Variants in SLC22A2 observed in about 807,000 individuals in gnomAD.
SLC22A2 encodes the protein solute carrier family 22 member 2.
In SLC22A2, 46 loss-of-function variants were observed where a neutral mutation model predicts 60.5. The ratio of observed to expected loss-of-function variants is 0.76; its 90% CI spans 0.60 to 0.97. The LOEUF is 0.97. SLC22A2 is among the 50% of genes least tolerant of loss of function. The probability of loss-of-function intolerance (pLI) is 0.00; values close to 1 mark genes in which losing one functional copy is unlikely to be tolerated. For missense variants in SLC22A2, 701 were observed against 706.6 expected (o/e 0.99, Z 0.09); for synonymous variants, 303 against 267.0 (o/e 1.13, Z -1.31).
At chr6:160,225,778 C>G (rs1247432667) in intron 9 of SLC22A2, among the ~76,000 whole-genome samples, 5 of 152,336 alleles carry the variant, frequency 3.3e-5, no homozygotes, top group African/African-American at 1.2e-4. Flanking sequence ...ATAGCCTACT[C>G]TTGTGCCAAT....
In SLC22A2 at chr6:160,229,963, G is replaced by A. The variant is rs188617053; in HGVS notation, c.1502-5159C>T. ...AACGGTCTGAGGTCCCTGATATCCA[G>A]GCATTCTTTTACACATTGGTCCCTC... On this transcript the variant is annotated intron_variant, in intron 9 of 10. Transcript: ENST00000366953. Among the ~76,000 whole-genome samples, 7 of 151,834 alleles carry A rather than the reference G, an allele frequency of 4.6e-5. 1 individual carries two copies. Among genetic ancestry groups the A allele is most frequent in the African/African-American group, 1.7e-4 (7 of 41,150 alleles).
At chr6:160,222,950 C>G (rs977620125) in intron 10 of SLC22A2, among the ~76,000 whole-genome samples, 1 of 152,166 alleles carries the variant, frequency 6.6e-6, no homozygotes, top group African/African-American at 2.4e-5. Context: ...AACTTGGTGG[C>G]CTGCAGGCTG....
intron 2 of SLC22A2, among the ~76,000 whole-genome samples, chr6:160,253,361 C>G (rs2114871413): frequency 6.6e-6 from 1 of 152,274 alleles, no homozygotes; most frequent in South Asian, 2.1e-4. Context: ...AGGGTGGTAA[C>G]TTCTGGGTTG....
intron 2 of SLC22A2, 68 bp downstream of exon 2, chr6:160,256,546 C>T: frequency 1.0e-6 from 1 of 995,080 alleles, no homozygotes; most frequent in Admixed American, 1.7e-5. Context: ...CAAGCAGGGG[C>T]AGGTGCATCC....
intron 9 of SLC22A2, among the ~76,000 whole-genome samples, chr6:160,237,638 G>A (rs542000518): frequency 2.0e-5 from 3 of 152,318 alleles, no homozygotes; most frequent in African/African-American, 4.8e-5. Flanking sequence ...AAGATTAAGA[G>A]TTCTCTTACA....
At chr6:160,246,710 G>A (rs1451035844) in intron 5 of SLC22A2, among the ~76,000 whole-genome samples, 5 of 152,094 alleles carry the variant, frequency 3.3e-5, no homozygotes, top group South Asian at 4.1e-4. Flanking sequence ...TTGTGCCACT[G>A]CACTCCAACC....
Position 160,242,324 on chromosome 6 carries a change from A to C in SLC22A2, c.1358T>G (p.Val453Gly). The change falls in exon 8 of 11, where the codon GTC (valine) becomes GGC (glycine). Residue 453 changes from valine to glycine, a missense_variant. Transcript: ENST00000366953. ...GAATGTGGGGTACAGCTCAGCATTGACCAGGCAGACTATCTCATAGGCCAT... is the reference window on the plus strand; with the variant it reads ...GAATGTGGGGTACAGCTCAGCATTGCCCAGGCAGACTATCTCATAGGCCAT... ...ITMAYEIVCL[V>G]NAELYPTFIR... The C allele has an allele frequency of 6.2e-7, 1 of 1,604,942 alleles. No homozygotes were observed. The highest frequency in any genetic ancestry group is 8.5e-7 in the Non-Finnish European group (1 of 1,171,536).
At position 160,258,717 on chromosome 6, in the gene SLC22A2, TC is replaced by T. The variant is rs781476724; in HGVS notation, c.40del (p.Glu14SerfsTer46). 6.3e-6 allele frequency: 10 copies of T among 1,589,706 alleles called. No homozygotes were observed. Among genetic ancestry groups the T allele is most frequent in the Non-Finnish European group, 8.6e-6 (10 of 1,166,890 alleles). On this transcript the variant is annotated frameshift_variant, in exon 1 of 11. Coordinates refer to ENST00000366953, the MANE Select transcript of SLC22A2 (RefSeq NM_003058.4). LOFTEE classifies it high-confidence loss of function. ...CATTTGCTTCTGGAAAAAGTGAAACTCCCCTCCATGCTCCAGGACATCGTCC... is the reference window on the plus strand; with the variant it reads ...CATTTGCTTCTGGAAAAAGTGAAACTCCCTCCATGCTCCAGGACATCGTCC... ...TVDDVLEHGG[E>X]FHFFQKQMFF... is the part of the protein sequence containing the mutation.
chr6:160,246,542 T>A (rs1239320433), intron 5 of SLC22A2, among the ~76,000 whole-genome samples: 1 of 151,874 alleles, frequency 6.6e-6, no homozygotes, highest in East Asian at 2.0e-4. Flanking sequence ...AGGTCAGGAG[T>A]TCGAGATCAG....
chr6:160,241,143 A>G (rs1344577582), intron 9 of SLC22A2, among the ~76,000 whole-genome samples: 1 of 152,178 alleles, frequency 6.6e-6, no homozygotes, highest in Non-Finnish European at 1.5e-5. Flanking sequence ...AGAGAGAGTT[A>G]GGGGCCTGCT....
chr6:160,233,428 A>G (rs1041597283), intron 9 of SLC22A2, among the ~76,000 whole-genome samples: 2 of 151,820 alleles, frequency 1.3e-5, no homozygotes, highest in African/African-American at 4.9e-5. Flanking sequence ...TCTTCAGGAA[A>G]GGTAAAATGG....
Position 160,258,441 on chromosome 6 carries a change from G to C in SLC22A2, c.317C>G (p.Pro106Arg). The C allele has an allele frequency of 3.7e-6, 6 of 1,614,142 alleles. No individual in the cohort carries two copies. Among genetic ancestry groups the C allele is most frequent in the Non-Finnish European group, 5.1e-6 (6 of 1,180,024 alleles). Residue 106 changes from proline to arginine, a missense_variant, in exon 1 of 11, where the codon CCC (proline) becomes CGC (arginine). By Grantham distance (103) the Pro-to-Arg change is moderately radical. Coordinates refer to ENST00000366953, the MANE Select transcript of SLC22A2 (RefSeq NM_003058.4). ...WNQSTFDCVD[P>R]LASLDTNRSR... ...CCTGTTGGTGTCCAGGCTGGCCAGGGGGTCCACGCAGTCGAAGGTGCTCTG... is the reference window on the plus strand; with the variant it reads ...CCTGTTGGTGTCCAGGCTGGCCAGGCGGTCCACGCAGTCGAAGGTGCTCTG...
intron 9 of SLC22A2, among the ~76,000 whole-genome samples, chr6:160,228,416 G>A (rs1284539173): frequency 1.3e-5 from 2 of 152,156 alleles, no homozygotes; most frequent in Non-Finnish European, 2.9e-5. Flanking sequence ...TTAATAAAAG[G>A]CAAAGACACT....
intron 9 of SLC22A2, among the ~76,000 whole-genome samples, chr6:160,238,624 A>T (rs1257823593): frequency 6.6e-6 from 1 of 152,174 alleles, no homozygotes; most frequent in Non-Finnish European, 1.5e-5. Flanking sequence ...TTAGCACACC[A>T]TTATTGTGTG....
At chr6:160,257,536 A>G (rs904638532) in intron 1 of SLC22A2, among the ~76,000 whole-genome samples, 2 of 152,054 alleles carry the variant, frequency 1.3e-5, no homozygotes, top group Non-Finnish European at 1.5e-5. Flanking sequence ...TTGTGGTGTG[A>G]AGCCCATGAG....
At chr6:160,239,226 C>A (rs920554165) in intron 9 of SLC22A2, among the ~76,000 whole-genome samples, 1 of 152,146 alleles carries the variant, frequency 6.6e-6, no homozygotes, top group Non-Finnish European at 1.5e-5. Flanking sequence ...CCGGAAGTCA[C>A]CCTATATAGT....
At chr6:160,238,706 T>C (rs1782952108) in intron 9 of SLC22A2, among the ~76,000 whole-genome samples, 1 of 152,144 alleles carries the variant, frequency 6.6e-6, no homozygotes, top group African/African-American at 2.4e-5. Flanking sequence ...ATACTAAAGG[T>C]TAGTGAGGGA....
At chr6:160,245,861 CTTTTTTTTTT>C (rs531474202) in intron 5 of SLC22A2, among the ~76,000 whole-genome samples, 5 of 122,266 alleles carry the variant, frequency 4.1e-5, no homozygotes, top group Non-Finnish European at 8.5e-5. Context: ...CAATGCCCAG[CTTTTTTTTTT>C]TTTTTTTTTT....
At chr6:160,219,772 G>A (rs1782617816) in intron 10 of SLC22A2, among the ~76,000 whole-genome samples, 1 of 152,114 alleles carries the variant, frequency 6.6e-6, no homozygotes, top group Non-Finnish European at 1.5e-5. Flanking sequence ...ATACATTTTT[G>A]TTGGTTTCCC....
Sources: allele counts gnomAD v4.1 joint callset (sites outside exome capture counted in the v4.1 genomes callset), GRCh38; gene constraint gnomAD v4.1.1; transcripts MANE v1.5; gene names NCBI Gene and HGNC (gene_info 2026-07-23, HGNC 2026-07-21).